PCDH9: variants seen among roughly 807,000 people sequenced by gnomAD.
PCDH9 encodes the protein protocadherin-9.
A neutral mutation model predicts 70.6 loss-of-function variants in PCDH9; 24 were observed. That is an observed-to-expected ratio of 0.34 (90% confidence interval 0.25 to 0.48). The LOEUF (loss-of-function observed/expected upper bound fraction) is 0.48, where lower values mean the gene tolerates loss of function less well. PCDH9 is among the 20% of genes least tolerant of loss of function. The probability of loss-of-function intolerance (pLI) is 0.99; values close to 1 mark genes in which losing one functional copy is unlikely to be tolerated. For missense variants in PCDH9, 1,281 were observed against 1,503.6 expected (o/e 0.85, Z 2.45); for synonymous variants, 562 against 558.5 (o/e 1.01, Z -0.09).
At chr13:66,568,494 C>A (rs1172020875) in intron 4 of PCDH9, among the ~76,000 whole-genome samples, 10 of 124,728 alleles carry the variant, frequency 8.0e-5, no homozygotes, top group South Asian at 2.6e-4. Context: ...CCAGCCTAAG[C>A]AACATAGTGA....
intron 2 of PCDH9, among the ~76,000 whole-genome samples, chr13:67,168,306 A>G (rs2088178378): frequency 6.6e-6 from 1 of 152,210 alleles, no homozygotes; most frequent in Non-Finnish European, 1.5e-5. Context: ...GTTCAGGAAC[A>G]TTGATTCTGA....
intron 3 of PCDH9, among the ~76,000 whole-genome samples, chr13:66,811,264 G>A (rs997637490): frequency 6.6e-6 from 1 of 152,058 alleles, no homozygotes; most frequent in Non-Finnish European, 1.5e-5. Flanking sequence ...AGATATTCTT[G>A]CTTGCTATTT....
chr13:66,583,136 G>T, intron 4 of PCDH9, among the ~76,000 whole-genome samples: 1 of 145,950 alleles, frequency 6.9e-6, no homozygotes, highest in South Asian at 2.2e-4. Context: ...GGTTCATTTT[G>T]GCGTCATGAA....
chr13:67,048,116 G>A (rs1373657249), intron 2 of PCDH9, among the ~76,000 whole-genome samples: 1 of 152,142 alleles, frequency 6.6e-6, no homozygotes, highest in Non-Finnish European at 1.5e-5. Context: ...TGTGAATAGT[G>A]AAATTGCTTT....
At chr13:66,372,172 T>A (rs1158646) in intron 4 of PCDH9, among the ~76,000 whole-genome samples, 1 of 151,486 alleles carries the variant, frequency 6.6e-6, no homozygotes, top group Non-Finnish European at 1.5e-5. Context: ...TGCCCTCAAG[T>A]TGTAGTTTGG....
At chr13:66,506,225 A>G (rs1172299866) in intron 4 of PCDH9, among the ~76,000 whole-genome samples, 1 of 152,164 alleles carries the variant, frequency 6.6e-6, no homozygotes, top group African/African-American at 2.4e-5. Context: ...GGGGAGAAGG[A>G]TCCAGTTTTC....
At chr13:67,124,798 A>G (rs2086944213) in intron 2 of PCDH9, among the ~76,000 whole-genome samples, 5 of 152,190 alleles carry the variant, frequency 3.3e-5, no homozygotes, top group Non-Finnish European at 1.5e-5. Flanking sequence ...TTGTTTTGAA[A>G]TATACAATGA....
intron 4 of PCDH9, among the ~76,000 whole-genome samples, chr13:66,508,845 A>G (rs1959317274): frequency 6.6e-6 from 1 of 152,184 alleles, no homozygotes; most frequent in Admixed American, 6.5e-5. Context: ...CTTTTGGAAA[A>G]TTCTTGGGGA....
At chr13:66,717,226 C>T (rs1304820197) in intron 3 of PCDH9, among the ~76,000 whole-genome samples, 2 of 151,550 alleles carry the variant, frequency 1.3e-5, no homozygotes, top group African/African-American at 2.4e-5. Flanking sequence ...GAGGCCGAGG[C>T]GAGCGGATCA....
intron 2 of PCDH9, among the ~76,000 whole-genome samples, chr13:67,135,189 C>T (rs965761357): frequency 1.3e-5 from 2 of 152,086 alleles, no homozygotes; most frequent in African/African-American, 4.8e-5. Flanking sequence ...AGCACACTTT[C>T]AGAAACACCA....
chr13:66,633,473 C>T (rs963110040), intron 3 of PCDH9, among the ~76,000 whole-genome samples: 1 of 152,048 alleles, frequency 6.6e-6, no homozygotes, highest in Non-Finnish European at 1.5e-5. Context: ...AAATATTAGC[C>T]ATTTATGTTT....
At chr13:66,663,111 C>T (rs1261955434) in intron 3 of PCDH9, among the ~76,000 whole-genome samples, 1 of 151,996 alleles carries the variant, frequency 6.6e-6, no homozygotes, top group African/African-American at 2.4e-5. Context: ...GGGAGATAAA[C>T]AAAAATACAA....
At chr13:66,945,599 G>A (rs915551561) in intron 2 of PCDH9, among the ~76,000 whole-genome samples, 61 of 151,878 alleles carry the variant, frequency 4.0e-4, no homozygotes, top group African/African-American at 1.4e-3. Flanking sequence ...CATGTTCTAT[G>A]TAGTCCCTTG....
At chr13:66,605,589 T>TGTTC (rs772192628) in intron 4 of PCDH9, among the ~76,000 whole-genome samples, 4 of 152,212 alleles carry the variant, frequency 2.6e-5, no homozygotes, top group Non-Finnish European at 5.9e-5. Context: ...CTGTCTGTTC[T>TGTTC]GTTCAGCCTT....
chr13:66,622,292 G>C (rs983158491), intron 4 of PCDH9, among the ~76,000 whole-genome samples: 1 of 152,152 alleles, frequency 6.6e-6, no homozygotes, highest in East Asian at 1.9e-4. Flanking sequence ...CCTGCTCCAC[G>C]GCGCCCAGTC....
chr13:66,551,133 T>C (rs1037062653), intron 4 of PCDH9, among the ~76,000 whole-genome samples: 1 of 152,174 alleles, frequency 6.6e-6, no homozygotes, highest in Admixed American at 6.5e-5. Context: ...AAATACTTTA[T>C]TTTTTGCTGT....
chr13:66,992,188 G>A (rs1323928), intron 2 of PCDH9, among the ~76,000 whole-genome samples: 150,986 of 152,244 alleles, frequency 0.99, 74,884 homozygotes, highest in East Asian at 1. Context: ...GAAAGGCAAA[G>A]ATATTCCCTA....
At chr13:66,411,664 T>G (rs1050037176) in intron 4 of PCDH9, among the ~76,000 whole-genome samples, 2 of 151,974 alleles carry the variant, frequency 1.3e-5, no homozygotes, top group Non-Finnish European at 2.9e-5. Context: ...GATAGATAGA[T>G]AGATAGATAG....
intron 2 of PCDH9, among the ~76,000 whole-genome samples, chr13:67,176,587 G>T (rs989201363): frequency 1.3e-5 from 2 of 151,920 alleles, no homozygotes; most frequent in African/African-American, 4.8e-5. Context: ...TTCAGCTAAA[G>T]TCCTACAGAG....
Sources: gnomAD v4.1 joint callset for allele counts (sites outside exome capture counted in the v4.1 genomes callset) on GRCh38, gnomAD v4.1.1 for gene constraint, MANE v1.5 for transcripts, NCBI Gene and HGNC (gene_info 2026-07-23, HGNC 2026-07-21) for gene names.